The following GRIA4 variants were observed in gnomAD, a reference collection of about 807,000 sequenced individuals.
GRIA4 encodes glutamate receptor 4.
In GRIA4, 34 loss-of-function variants were observed where a neutral mutation model predicts 104.0. The ratio of observed to expected loss-of-function variants is 0.33; its 90% CI spans 0.25 to 0.44. The LOEUF (loss-of-function observed/expected upper bound fraction) is 0.44, where lower values mean the gene tolerates loss of function less well. GRIA4 is among the 20% of genes least tolerant of loss of function. The pLI, the probability that GRIA4 is intolerant of heterozygous loss-of-function variation, is 1.00. For synonymous variants in GRIA4, 386 were observed against 381.9 expected (o/e 1.01, Z -0.13); for missense variants, 750 against 1,096.5 (o/e 0.68, Z 4.46).
At chr11:105,701,241 C>A (rs552710612) in intron 3 of GRIA4, among the ~76,000 whole-genome samples, 1 of 152,086 alleles carries the variant, frequency 6.6e-6, no homozygotes, top group African/African-American at 2.4e-5. Flanking sequence ...CTTTTTTAAC[C>A]GCTAGCTTAC....
chr11:105,756,540 T>A (rs1198212356), intron 4 of GRIA4, among the ~76,000 whole-genome samples: 1 of 152,040 alleles, frequency 6.6e-6, no homozygotes, highest in Non-Finnish European at 1.5e-5. Context: ...AAAGTAAGAA[T>A]CTTTCAGGTT....
chr11:105,658,579 G>C (rs1951911464), intron 3 of GRIA4, among the ~76,000 whole-genome samples: 1 of 151,662 alleles, frequency 6.6e-6, no homozygotes, highest in South Asian at 2.1e-4. Flanking sequence ...CATACAGAAA[G>C]AAATATACTC....
chr11:105,649,162 T>C (rs1338221554), intron 3 of GRIA4, among the ~76,000 whole-genome samples: 3 of 152,112 alleles, frequency 2.0e-5, no homozygotes, highest in Non-Finnish European at 4.4e-5. Context: ...TATTGACATA[T>C]ATAAAACAAA....
intron 4 of GRIA4, among the ~76,000 whole-genome samples, chr11:105,853,710 A>G (rs918859494): frequency 7.9e-5 from 12 of 152,154 alleles, no homozygotes; most frequent in African/African-American, 2.9e-4. Flanking sequence ...TATACAGATA[A>G]GTACAGGATT....
At chr11:105,854,746 G>C (rs1275223274) in intron 4 of GRIA4, among the ~76,000 whole-genome samples, 2 of 152,106 alleles carry the variant, frequency 1.3e-5, no homozygotes, top group Non-Finnish European at 2.9e-5. Context: ...AATGGTGACT[G>C]TGATTGAAAG....
chr11:105,672,934 T>G (rs1007958272), intron 3 of GRIA4, among the ~76,000 whole-genome samples: 8 of 152,100 alleles, frequency 5.3e-5, no homozygotes, highest in African/African-American at 1.9e-4. Flanking sequence ...AAATTTTATT[T>G]TTAGAATATG....
At chr11:105,830,237 T>C (rs1207503777) in intron 4 of GRIA4, among the ~76,000 whole-genome samples, 3 of 151,974 alleles carry the variant, frequency 2.0e-5, no homozygotes, top group Non-Finnish European at 4.4e-5. Flanking sequence ...TATGGATTAT[T>C]GATGGAATAA....
rs115016231 is a variant in GRIA4, at chr11:105,811,379, C to A, written c.488-50645C>A. ...TAATCCATCTCTTTAGTTCCTTTTT[C>A]TCTCACCCCATCTCCCACATTCTTT... On this transcript the variant is annotated intron_variant, in intron 4 of 16. Transcript: ENST00000282499. Among the ~76,000 whole-genome samples, 464 of 152,210 alleles carry A rather than the reference C, an allele frequency of 3.0e-3. 6 individuals are homozygous for A. The highest frequency in any genetic ancestry group is 0.011 in the African/African-American group (455 of 41,522).
intron 3 of GRIA4, among the ~76,000 whole-genome samples, chr11:105,701,001 T>C (rs1054601399): frequency 6.6e-6 from 1 of 152,206 alleles, no homozygotes; most frequent in African/African-American, 2.4e-5. Flanking sequence ...TTCCTTTGAA[T>C]GTCAATCATT....
intron 5 of GRIA4, 86 bp downstream of exon 5, chr11:105,862,294 C>G (rs1170182835): frequency 5.6e-6 from 4 of 720,214 alleles, no homozygotes; most frequent in Non-Finnish European, 9.4e-6. Context: ...AACATCTTCT[C>G]CCAGCTTTTA....
intron 11 of GRIA4, among the ~76,000 whole-genome samples, chr11:105,920,994 A>T (rs1363154316): frequency 6.6e-6 from 1 of 152,158 alleles, no homozygotes; most frequent in African/African-American, 2.4e-5. Context: ...CCTAGGTAAA[A>T]CTAAATCCAT....
chr11:105,669,147 A>G (rs1044188244), intron 3 of GRIA4, among the ~76,000 whole-genome samples: 1 of 151,826 alleles, frequency 6.6e-6, no homozygotes, highest in Non-Finnish European at 1.5e-5. Context: ...GACTGTCTCA[A>G]TTTCTCTCAT....
intron 6 of GRIA4, among the ~76,000 whole-genome samples, chr11:105,896,271 G>C (rs529855223): frequency 1.3e-5 from 2 of 151,696 alleles, no homozygotes; most frequent in South Asian, 2.1e-4. Flanking sequence ...TTTTAAATGG[G>C]GTTATTTGGT....
chr11:105,716,387 AT>A lies in GRIA4; in HGVS notation c.248-36591del, dbSNP rs554564517. ...AATTCAAATTACTTTTAGTTGTTTT[AT>A]TTATAACTGTATTCTCAAGTTCCTT... On this transcript the variant is annotated intron_variant, in intron 3 of 16. Transcript: ENST00000282499. Among the ~76,000 whole-genome samples the A allele has an allele frequency of 2.1e-3, 315 of 152,288 alleles. 2 individuals carry two copies. The highest frequency in any genetic ancestry group is 7.0e-3 in the African/African-American group (290 of 41,584).
intron 4 of GRIA4, among the ~76,000 whole-genome samples, chr11:105,851,946 T>C (rs909683159): frequency 6.6e-5 from 10 of 152,216 alleles, no homozygotes; most frequent in Admixed American, 2.6e-4. Flanking sequence ...GTTCCATTTC[T>C]ATATCGGCAG....
chr11:105,800,080 A>G (rs1942654111), intron 4 of GRIA4, among the ~76,000 whole-genome samples: 1 of 151,962 alleles, frequency 6.6e-6, no homozygotes, highest in South Asian at 2.1e-4. Flanking sequence ...CATAAAGACA[A>G]TGAAAGATAG....
intron 4 of GRIA4, among the ~76,000 whole-genome samples, chr11:105,815,707 AT>A (rs1313866540): frequency 6.6e-6 from 1 of 152,084 alleles, no homozygotes; most frequent in African/African-American, 2.4e-5. Context: ...TCCTAAGAGG[AT>A]TTCTTCTTTC....
At chr11:105,633,339 A>G (rs1308575407) in intron 3 of GRIA4, among the ~76,000 whole-genome samples, 4 of 152,216 alleles carry the variant, frequency 2.6e-5, no homozygotes, top group African/African-American at 9.7e-5. Flanking sequence ...CAAAGAAACT[A>G]ATTTTGAAAT....
intron 3 of GRIA4, among the ~76,000 whole-genome samples, chr11:105,733,227 G>A (rs1457451102): frequency 3.3e-5 from 5 of 151,922 alleles, no homozygotes; most frequent in Admixed American, 6.6e-5. Flanking sequence ...CTTTAATATC[G>A]CACTACTGGA....
Sources: allele counts gnomAD v4.1 joint callset (sites outside exome capture counted in the v4.1 genomes callset), GRCh38; gene constraint gnomAD v4.1.1; transcripts MANE v1.5; gene names NCBI Gene and HGNC (gene_info 2026-07-23, HGNC 2026-07-21).